EMB: variants seen among roughly 807,000 people sequenced by gnomAD.
The protein encoded by EMB is embigin.
A neutral mutation model predicts 41.4 loss-of-function variants in EMB; 31 were observed. The observed-to-expected ratio is 0.75, with a 90% CI of 0.56 to 1.01. The LOEUF is 1.01. EMB is among the 50% of genes least tolerant of loss of function. EMB has a pLI of 0.00. For missense variants in EMB, 379 were observed against 388.3 expected, an observed-to-expected ratio of 0.98 and a Z score of 0.20; for synonymous variants, 137 against 140.4, an observed-to-expected ratio of 0.98 and a Z score of 0.17.
At chr5:50,402,211 C>T (rs1301724741) in intron 7 of EMB, 75 bp downstream of exon 7, 37 of 1,487,640 alleles carry the variant, frequency 2.5e-5, no homozygotes, top group Non-Finnish European at 3.5e-5. Context: ...CCCCTAACTG[C>T]AAACATTTCA....
chr5:50,424,597 T>C (rs1314195646), intron 2 of EMB, among the ~76,000 whole-genome samples: 2 of 152,146 alleles, frequency 1.3e-5, no homozygotes, highest in African/African-American at 4.8e-5. Flanking sequence ...TCATGTGTAT[T>C]CCCAAGATAA....
chr5:50,414,610 G>A (rs1342388015), intron 2 of EMB, among the ~76,000 whole-genome samples: 2 of 151,264 alleles, frequency 1.3e-5, no homozygotes, highest in African/African-American at 4.9e-5. Flanking sequence ...CATAAGCAAG[G>A]ACCAGATGCA....
chr5:50,417,434 C>A (rs1434424387), intron 2 of EMB, among the ~76,000 whole-genome samples: 1 of 152,166 alleles, frequency 6.6e-6, no homozygotes, highest in Admixed American at 6.5e-5. Flanking sequence ...CCAAATAAGT[C>A]TCATATGGAT....
intron 7 of EMB, among the ~76,000 whole-genome samples, chr5:50,400,556 A>C (rs1745144858): frequency 6.6e-6 from 1 of 151,920 alleles, no homozygotes; most frequent in Admixed American, 6.6e-5. Flanking sequence ...TTTTGTGTGT[A>C]CTCTTCAAAA....
At chr5:50,419,573 AT>A (rs1745483885) in intron 2 of EMB, among the ~76,000 whole-genome samples, 1 of 152,020 alleles carries the variant, frequency 6.6e-6, no homozygotes, top group Non-Finnish European at 1.5e-5. Flanking sequence ...ACACACACAG[AT>A]AACTGTATAA....
At chr5:50,436,794 C>G (rs1180224848) in intron 1 of EMB, among the ~76,000 whole-genome samples, 3 of 152,128 alleles carry the variant, frequency 2.0e-5, no homozygotes, top group Non-Finnish European at 2.9e-5. Flanking sequence ...CTTGCTCTTC[C>G]CCACCAAATA....
intron 1 of EMB, among the ~76,000 whole-genome samples, chr5:50,436,041 T>G (rs559064934): frequency 6.6e-6 from 1 of 152,288 alleles, no homozygotes; most frequent in South Asian, 2.1e-4. Flanking sequence ...AAGCCTTGGT[T>G]ACTATTAGTA....
rs114090546 is a variant in EMB at position 50,416,792 on chromosome 5, G to A, written c.197-5409C>T. Among the ~76,000 whole-genome samples, 893 of 152,210 alleles carry A rather than the reference G, an allele frequency of 5.9e-3. 8 individuals are homozygous for A. Among genetic ancestry groups the A allele is most frequent in the African/African-American group, 0.021 (859 of 41,514 alleles). On this transcript the variant is annotated intron_variant, in intron 2 of 8. Coordinates refer to ENST00000303221, the MANE Select transcript of EMB (RefSeq NM_198449.3). ...GAAGAGGCAACGAAAGATCCTCTCCGTAAGACACACCCACCAGCACCATGA... is the reference window on the plus strand; with the variant it reads ...GAAGAGGCAACGAAAGATCCTCTCCATAAGACACACCCACCAGCACCATGA...
intron 1 of EMB, among the ~76,000 whole-genome samples, chr5:50,437,558 T>C (rs1385601833): frequency 2.0e-5 from 3 of 152,220 alleles, no homozygotes; most frequent in Non-Finnish European, 4.4e-5. Context: ...TGCAATCCAC[T>C]AATATCATTA....
At chr5:50,416,237 A>G (rs1322014545) in intron 2 of EMB, among the ~76,000 whole-genome samples, 1 of 152,232 alleles carries the variant, frequency 6.6e-6, no homozygotes, top group Non-Finnish European at 1.5e-5. Context: ...TTGCTGCTTT[A>G]GAGTGCTGCA....
chr5:50,420,737 T>C (rs1454495012), intron 2 of EMB, among the ~76,000 whole-genome samples: 1 of 152,228 alleles, frequency 6.6e-6, no homozygotes, highest in East Asian at 1.9e-4. Context: ...TAAATTTTTG[T>C]TGAAGTGGTT....
chr5:50,406,417 T>C (rs999528897), intron 4 of EMB, among the ~76,000 whole-genome samples: 3 of 151,780 alleles, frequency 2.0e-5, no homozygotes, highest in Non-Finnish European at 2.9e-5. Flanking sequence ...TTGTAAAATA[T>C]ATATATATAT....
In EMB at chr5:50,414,397, C is replaced by T. The variant is rs191036542; in HGVS notation, c.197-3014G>A. On this transcript the variant is annotated intron_variant, in intron 2 of 8. Transcript: ENST00000303221. ...AAAAAATTAGCCAGGCTTGGTAGTG[C>T]ATGCCTGTGGTCCCATCTAGTCTCA... Among the ~76,000 whole-genome samples, 263 of 151,708 alleles carry T rather than the reference C, an allele frequency of 1.7e-3. 1 individual carries two copies. The highest frequency in any genetic ancestry group is 6.0e-3 in the African/African-American group (249 of 41,340).
chr5:50,442,534 T>C (rs1418659453), upstream of EMB, among the ~76,000 whole-genome samples: 1 of 147,046 alleles, frequency 6.8e-6, no homozygotes, highest in Non-Finnish European at 1.5e-5. Flanking sequence ...CACACACAAA[T>C]TAGACAACTG....
intron 2 of EMB, among the ~76,000 whole-genome samples, chr5:50,418,084 G>A (rs186829191): frequency 2.0e-4 from 30 of 152,226 alleles, no homozygotes; most frequent in Non-Finnish European, 3.5e-4. Context: ...CATGTCTCTT[G>A]TTTCAACAAT....
intron 1 of EMB, among the ~76,000 whole-genome samples, chr5:50,437,110 A>C (rs895943552): frequency 1.3e-5 from 2 of 152,022 alleles, no homozygotes; most frequent in Admixed American, 1.3e-4. Context: ...ATCTCTACAA[A>C]AAATACAAAA....
At chr5:50,412,267 C>G (rs1288477392) in intron 2 of EMB, among the ~76,000 whole-genome samples, 2 of 151,506 alleles carry the variant, frequency 1.3e-5, no homozygotes, top group African/African-American at 4.9e-5. Flanking sequence ...GACACACACA[C>G]ACACACACAC....
intron 2 of EMB, among the ~76,000 whole-genome samples, chr5:50,425,385 T>C (rs1284176739): frequency 1.3e-5 from 2 of 152,148 alleles, no homozygotes; most frequent in Non-Finnish European, 1.5e-5. Context: ...GAGAGGTGAT[T>C]CCAACGTTAA....
upstream of EMB, chr5:50,441,353 C>G (rs1579750023): frequency 5.3e-6 from 2 of 377,440 alleles, no homozygotes; most frequent in African/African-American, 2.1e-5. Context: ...GCGCCCGGCC[C>G]TCCATCAGTT....
Sources: gnomAD v4.1 joint callset for allele counts (sites outside exome capture counted in the v4.1 genomes callset) on GRCh38, gnomAD v4.1.1 for gene constraint, MANE v1.5 for transcripts, NCBI Gene and HGNC (gene_info 2026-07-23, HGNC 2026-07-21) for gene names.